Variants in ZBTB20 observed in about 807,000 individuals in gnomAD.
The protein encoded by ZBTB20 is zinc finger and BTB domain-containing protein 20.
Under a neutral mutation model 56.9 loss-of-function variants are expected in ZBTB20, and 9 were observed. That is an observed-to-expected ratio of 0.16 (90% confidence interval 0.10 to 0.28). ZBTB20 has a LOEUF of 0.28. Among genes scored for constraint, ZBTB20 ranks in the 10% least tolerant of loss-of-function variants. The pLI, the probability that ZBTB20 is intolerant of heterozygous loss-of-function variation, is 1.00. For synonymous variants in ZBTB20, 417 were observed against 420.7 expected (o/e 0.99, Z 0.11); for missense variants, 655 against 1,003.0 (o/e 0.65, Z 4.69).
intron 4 of ZBTB20, among the ~76,000 whole-genome samples, chr3:114,874,436 A>C (rs2076120568): frequency 6.6e-6 from 1 of 152,216 alleles, no homozygotes; most frequent in African/African-American, 2.4e-5. Flanking sequence ...ATATTGCTAT[A>C]AACTCATCTT....
intron 6 of ZBTB20, among the ~76,000 whole-genome samples, chr3:114,678,410 G>T (rs1429155680): frequency 6.6e-6 from 1 of 152,116 alleles, no homozygotes; most frequent in Non-Finnish European, 1.5e-5. Flanking sequence ...GCAATGGAGA[G>T]CTTTGCTGTA....
intron 5 of ZBTB20, among the ~76,000 whole-genome samples, chr3:114,713,390 T>C (rs1189714099): frequency 6.6e-6 from 1 of 152,098 alleles, no homozygotes; most frequent in Non-Finnish European, 1.5e-5. Context: ...AATGCCGGCT[T>C]TTTACATATC....
intron 4 of ZBTB20, among the ~76,000 whole-genome samples, chr3:114,817,109 A>C (rs892388919): frequency 2.6e-5 from 4 of 152,154 alleles, no homozygotes; most frequent in Non-Finnish European, 5.9e-5. Context: ...ACATTTGCTA[A>C]AAGAACAAGA....
chr3:114,375,610 C>A (rs947444707), intron 10 of ZBTB20, among the ~76,000 whole-genome samples: 2 of 152,216 alleles, frequency 1.3e-5, no homozygotes, highest in African/African-American at 4.8e-5. Context: ...TCAAGTTGTT[C>A]TAATGGCCCC....
intron 6 of ZBTB20, among the ~76,000 whole-genome samples, chr3:114,589,839 A>G (rs2055560869): frequency 6.6e-6 from 1 of 152,188 alleles, no homozygotes; most frequent in Non-Finnish European, 1.5e-5. Flanking sequence ...ACTGACGCAC[A>G]TGCATATGCC....
At chr3:114,885,069 G>C (rs1280984515) in intron 4 of ZBTB20, among the ~76,000 whole-genome samples, 2 of 152,186 alleles carry the variant, frequency 1.3e-5, no homozygotes, top group African/African-American at 4.8e-5. Flanking sequence ...ATTTGGTTAA[G>C]CATTTTTAAT....
intron 6 of ZBTB20, among the ~76,000 whole-genome samples, chr3:114,621,165 A>C (rs915091402): frequency 5.9e-5 from 9 of 152,186 alleles, no homozygotes; most frequent in African/African-American, 2.2e-4. Flanking sequence ...GCTGTACATA[A>C]TAGAATTTAG....
At chr3:114,955,149 G>A (rs745696222) in intron 3 of ZBTB20, among the ~76,000 whole-genome samples, 4 of 152,146 alleles carry the variant, frequency 2.6e-5, no homozygotes, top group Non-Finnish European at 5.9e-5. Flanking sequence ...GGATAAACCA[G>A]CACAATTAGA....
rs114519949 is a variant in ZBTB20 at position 114,973,176 on chromosome 3, T to C, written c.-456+1190A>G. On this transcript the variant is annotated intron_variant, in intron 3 of 11. Coordinates refer to ENST00000675478, the MANE Select transcript of ZBTB20 (RefSeq NM_001348800.3). ...ATGAAATATGAGGTTTAAGAGTACATCTTTAGTACTTCTGTACCTTAAAAT... is the reference window on the plus strand; with the variant it reads ...ATGAAATATGAGGTTTAAGAGTACACCTTTAGTACTTCTGTACCTTAAAAT... 7.1e-3 allele frequency among the ~76,000 whole-genome samples: 1,078 copies of C among 152,316 alleles called. 6 individuals carry two copies. Among genetic ancestry groups the C allele is most frequent in the Non-Finnish European group, 0.012 (824 of 68,000 alleles).
intron 5 of ZBTB20, among the ~76,000 whole-genome samples, chr3:114,745,519 C>G (rs1331468429): frequency 2.0e-5 from 3 of 152,052 alleles, no homozygotes; most frequent in Non-Finnish European, 4.4e-5. Flanking sequence ...ACTGAATCAC[C>G]CAAAGATACA....
intron 4 of ZBTB20, among the ~76,000 whole-genome samples, chr3:114,816,290 G>C (rs1236841011): frequency 1.3e-5 from 2 of 152,160 alleles, no homozygotes; most frequent in Non-Finnish European, 2.9e-5. Flanking sequence ...TATGCTGGGT[G>C]CAATTTATTT....
intron 4 of ZBTB20, among the ~76,000 whole-genome samples, chr3:114,813,204 G>T (rs1008164833): frequency 6.6e-6 from 1 of 152,262 alleles, no homozygotes; most frequent in African/African-American, 2.4e-5. Context: ...CTGCCAGCAC[G>T]CTGTCACCTC....
rs148518057 is a variant in ZBTB20, at chr3:114,888,940, A to C, written c.-417+11364T>G. Among the ~76,000 whole-genome samples the C allele has an allele frequency of 3.3e-3, 501 of 152,196 alleles. 1 individual carries two copies. Among genetic ancestry groups the C allele is most frequent in the Non-Finnish European group, 5.9e-3 (404 of 67,964 alleles). ...CTTAACTTTCAGATAGTCCTACCTTATTTAATTTTTTTACCTTTAAAAAGT... is the reference window on the plus strand; with the variant it reads ...CTTAACTTTCAGATAGTCCTACCTTCTTTAATTTTTTTACCTTTAAAAAGT... On this transcript the variant is annotated intron_variant, in intron 4 of 11. Coordinates refer to ENST00000675478, the MANE Select transcript of ZBTB20 (RefSeq NM_001348800.3).
intron 3 of ZBTB20, among the ~76,000 whole-genome samples, chr3:114,953,174 G>A (rs1457149028): frequency 6.6e-6 from 1 of 151,918 alleles, no homozygotes; most frequent in East Asian, 1.9e-4. Flanking sequence ...AAAAAGATAT[G>A]TATATTGAAC....
At position 114,475,319 on chromosome 3, in the gene ZBTB20, T is replaced by C. The variant is rs116580600; in HGVS notation, c.-255+25033A>G. 9.2e-3 allele frequency among the ~76,000 whole-genome samples: 1,395 copies of C among 152,206 alleles called. 25 individuals are homozygous for C. The highest frequency in any genetic ancestry group is 0.027 in the African/African-American group (1,132 of 41,534). Reference sequence around the variant, plus strand: ...CCTCCTCTGAGCTCCAAGAATACCTTATCTGTACTACTTTTATAGAGCATT... The same window carrying C: ...CCTCCTCTGAGCTCCAAGAATACCTCATCTGTACTACTTTTATAGAGCATT... On this transcript the variant is annotated intron_variant, in intron 7 of 11. Transcript: ENST00000675478.
At chr3:114,839,469 G>GAA (rs1560306957) in intron 4 of ZBTB20, among the ~76,000 whole-genome samples, 43 of 72,484 alleles carry the variant, frequency 5.9e-4, no homozygotes, top group South Asian at 1.8e-3. Context: ...GAAAGAAAGA[G>GAA]AGAGAGAAAG....
rs985416784 is a variant in ZBTB20, at chr3:114,384,402, C to T, written c.-153-3462G>A. Among the ~76,000 whole-genome samples the T allele has an allele frequency of 3.3e-5, 5 of 151,556 alleles. No individual in the cohort carries two copies. The East Asian group carries it at 9.7e-4, about 29-fold the overall frequency. ...ACTGGGTGTACCCTGAACACTTCCACAGAGAAACAGACCAATCATTGTGCA... is the reference window on the plus strand; with the variant it reads ...ACTGGGTGTACCCTGAACACTTCCATAGAGAAACAGACCAATCATTGTGCA... On this transcript the variant is annotated intron_variant, in intron 8 of 11. Coordinates refer to ENST00000675478, the MANE Select transcript of ZBTB20 (RefSeq NM_001348800.3).
chr3:114,390,916 C>T (rs1177652369), intron 7 of ZBTB20, among the ~76,000 whole-genome samples: 2 of 152,184 alleles, frequency 1.3e-5, no homozygotes, highest in African/African-American at 2.4e-5. Context: ...CTCTAGACGT[C>T]CCATTTCCTG....
chr3:114,345,535 T>C (rs1454885521), intron 11 of ZBTB20, among the ~76,000 whole-genome samples: 1 of 152,200 alleles, frequency 6.6e-6, no homozygotes. Flanking sequence ...CAGATTCTTA[T>C]TAGTGGAATT....
Sources: gnomAD v4.1 joint callset for allele counts (sites outside exome capture counted in the v4.1 genomes callset) on GRCh38, gnomAD v4.1.1 for gene constraint, MANE v1.5 for transcripts, NCBI Gene and HGNC (gene_info 2026-07-23, HGNC 2026-07-21) for gene names.